The following RUBCNL variants were observed in gnomAD, a reference collection of about 807,000 sequenced individuals.
The protein encoded by RUBCNL is protein associated with UVRAG as autophagy enhancer.
A neutral mutation model predicts 69.5 loss-of-function variants in RUBCNL; 62 were observed. The observed-to-expected ratio is 0.89, with a 90% CI of 0.73 to 1.10. The LOEUF is 1.10. RUBCNL is among the 50% of genes least tolerant of loss of function. RUBCNL has a pLI of 0.00. For missense variants in RUBCNL, 768 were observed against 798.1 expected, an observed-to-expected ratio of 0.96 and a Z score of 0.45; for synonymous variants, 291 against 303.6, an observed-to-expected ratio of 0.96 and a Z score of 0.43.
In RUBCNL at chr13:46,361,334, A is replaced by G. The variant is rs531644730; in HGVS notation, c.1119+107T>C. On this transcript the variant is annotated intron_variant, in intron 8 of 14. Transcript: ENST00000429979. ...TCCTCATTCATTTTGAGTCTCCCCT[A>G]ATATCCAGTGACCATACAAGGAAAG... 11 of 1,192,524 alleles carry G rather than the reference A, an allele frequency of 9.2e-6. No homozygotes were observed. In the South Asian group the frequency reaches 1.5e-4, roughly 16 times the overall value. The allele number at this position is 1,192,524 out of a possible 1,614,324, so 73.9% of individuals were successfully genotyped here.
At chr13:46,348,643 C>G (rs1019216613) in intron 12 of RUBCNL, among the ~76,000 whole-genome samples, 9 of 145,804 alleles carry the variant, frequency 6.2e-5, no homozygotes, top group Non-Finnish European at 1.3e-4. Flanking sequence ...CTCGTTCTGT[C>G]TCTAGGCTGG....
rs181442851 is a variant in RUBCNL, at chr13:46,376,227, G to T, written c.-123+1663C>A. 2.0e-5 allele frequency among the ~76,000 whole-genome samples: 3 copies of T among 152,182 alleles called. No individual in the cohort carries two copies. The East Asian group carries it at 5.8e-4, about 29-fold the overall frequency. On this transcript the variant is annotated intron_variant, in intron 2 of 14. Coordinates refer to ENST00000429979, the MANE Select transcript of RUBCNL (RefSeq NM_025113.5). ...ATTTTCAACTGCACAGGGTGTTAGT[G>T]TCCCTAACCCCTGCATTGTGAAGGG...
chr13:46,372,207 G>A lies in RUBCNL; in HGVS notation c.269C>T (p.Pro90Leu), dbSNP rs372520850. 6.2e-7 allele frequency: 1 copy of A among 1,613,916 alleles called. No homozygotes were observed. The highest frequency in any genetic ancestry group is 8.5e-7 in the Non-Finnish European group (1 of 1,179,896). The part of the protein sequence containing the change: ...FVTDAASPSG[P>L]SPSCLGDSLA... ...GGAGTCCCCGAGGCACGAAGGTGAA[G>A]GGCCTGAGGGAGAGGCAGCATCTGT... The change falls in exon 3 of 15, where the codon CCT becomes CTT. Residue 90 changes from proline to leucine, a missense_variant. Pro to Leu is a moderately conservative substitution (Grantham distance 98). Coordinates refer to ENST00000429979, the MANE Select transcript of RUBCNL (RefSeq NM_025113.5).
At chr13:46,367,149 C>G (rs2048775380) in intron 5 of RUBCNL, among the ~76,000 whole-genome samples, 1 of 152,166 alleles carries the variant, frequency 6.6e-6, no homozygotes, top group Non-Finnish European at 1.5e-5. Flanking sequence ...GGGGAAGAGC[C>G]CCCAGGTCCC....
chr13:46,350,283 C>A lies in RUBCNL; in HGVS notation c.1399G>T (p.Ala467Ser). The change falls in exon 11 of 15, where the codon GCA becomes TCA. Residue 467 changes from alanine to serine, a missense_variant. Coordinates refer to ENST00000429979, the MANE Select transcript of RUBCNL (RefSeq NM_025113.5). ...KYFCDCCHSY[A>S]ESCIPARILM... ...ATTCGGGCAGGGATGCACGACTCTG[C>A]ATATGAGTGGCAGCAGTCACAGAAA... 1 of 1,583,878 alleles carries A rather than the reference C, an allele frequency of 6.3e-7. No homozygotes were observed. Among genetic ancestry groups the A allele is most frequent in the Non-Finnish European group, 8.6e-7 (1 of 1,164,240 alleles).
intron 11 of RUBCNL, among the ~76,000 whole-genome samples, chr13:46,349,637 A>T (rs2048325597): frequency 6.6e-6 from 1 of 151,702 alleles, no homozygotes; most frequent in Non-Finnish European, 1.5e-5. Flanking sequence ...CCTTGGAAAG[A>T]GCCTGTGCAG....
intron 8 of RUBCNL, 83 bp from the exon 9 acceptor site, chr13:46,359,714 C>T (rs999390588): frequency 1.6e-6 from 2 of 1,285,830 alleles, no homozygotes; most frequent in Non-Finnish European, 2.1e-6. Context: ...AATGTATTTC[C>T]AACATTAAAA....
Position 46,378,004 on chromosome 13 carries a change from A to G in RUBCNL, c.-237T>C. ...GGTCAATATCCCCATTTTTTATTTT[A>G]TCTGTAAGGCAAAAAACAATTTGCC... On this transcript the variant is annotated splice_region_variant and 5_prime_UTR_variant, in exon 2 of 15. Coordinates refer to ENST00000429979, the MANE Select transcript of RUBCNL (RefSeq NM_025113.5). 6.5e-7 allele frequency: 1 copy of G among 1,531,020 alleles called. No homozygotes were observed. Among genetic ancestry groups the G allele is most frequent in the Admixed American group, 2.2e-5 (1 of 46,044 alleles). The allele number at this position is 1,531,020 out of a possible 1,614,324, so 94.8% of individuals were successfully genotyped here.
chr13:46,388,260 G>C (rs1169257416), upstream of RUBCNL, among the ~76,000 whole-genome samples: 1 of 143,132 alleles, frequency 7.0e-6, no homozygotes, highest in Non-Finnish European at 1.5e-5. Flanking sequence ...GAGGGAGGAA[G>C]GCAGGCAGGC....
chr13:46,378,044 C>T, intron 1 of RUBCNL, 39 bp from the exon 2 acceptor site: 1 of 1,065,716 alleles, frequency 9.4e-7, no homozygotes, highest in Non-Finnish European at 1.4e-6. Context: ...GCTATGATAC[C>T]ACTGCCAGGT....
intron 8 of RUBCNL, 21 bp from the exon 9 acceptor site, chr13:46,359,652 T>C: frequency 6.5e-7 from 1 of 1,536,914 alleles, no homozygotes; most frequent in Non-Finnish European, 8.8e-7. Flanking sequence ...CATAAAATGA[T>C]TTAGGAACAA....
Position 46,373,962 on chromosome 13 carries a change from C to T in RUBCNL, c.-122-1365G>A, listed in dbSNP as rs566248155. Among the ~76,000 whole-genome samples, 92 of 152,376 alleles carry T rather than the reference C, an allele frequency of 6.0e-4. 1 individual carries two copies. Among genetic ancestry groups the T allele is most frequent in the Non-Finnish European group, 1.1e-3 (74 of 68,038 alleles). On this transcript the variant is annotated intron_variant, in intron 2 of 14. Transcript: ENST00000429979. ...CTCTTCCAATTGCCCAAGCCTGAAA[C>T]TTAGGAGTCATTTCTGATCCTATCT...
At position 46,372,399 on chromosome 13, in the gene RUBCNL, A is replaced by G. The variant is rs1412513736; in HGVS notation, c.77T>C (p.Ile26Thr). Reference sequence around the variant, plus strand: ...GTTCAGGAGTCTGGGCGAACCATCAATAATGCCAGAGTGATCGCTGATCCC... The same window carrying G: ...GTTCAGGAGTCTGGGCGAACCATCAGTAATGCCAGAGTGATCGCTGATCCC... Reference protein sequence around the residue: ...WEGISDHSGIIDGSPRLLNTD... With the variant: ...WEGISDHSGITDGSPRLLNTD... The change falls in exon 3 of 15, where the codon ATT becomes ACT. Residue 26 changes from isoleucine to threonine, a missense_variant. Coordinates refer to ENST00000429979, the MANE Select transcript of RUBCNL (RefSeq NM_025113.5). The G allele has an allele frequency of 1.9e-6, 3 of 1,613,802 alleles. No homozygotes were observed. The highest frequency in any genetic ancestry group is 2.2e-5 in the East Asian group (1 of 44,882).
Position 46,350,364 on chromosome 13 carries a change from C to T in RUBCNL, c.1331-13G>A, listed in dbSNP as rs2048345621. 4 of 1,519,690 alleles carry T rather than the reference C, an allele frequency of 2.6e-6. No homozygotes were observed. Among genetic ancestry groups the T allele is most frequent in the Middle Eastern group, 1.7e-4 (1 of 5,884 alleles). The allele number at this position is 1,519,690 out of a possible 1,614,324, so 94.1% of individuals were successfully genotyped here. The stretch of plus-strand genomic sequence containing the variant: ...CGCTTCACAAACTCTGCCAAGCATA[C>T]CGGAGGGTGAGTGCCACACCTGGTG... On this transcript the variant is annotated splice_polypyrimidine_tract_variant and intron_variant, in intron 10 of 14. Coordinates refer to ENST00000429979, the MANE Select transcript of RUBCNL (RefSeq NM_025113.5).
rs934501210 is a variant in RUBCNL, at chr13:46,371,971, G to A, written c.505C>T (p.Pro169Ser). ...TCAGCAGCAGATGTCAGATGGGAAG[G>A]CTCAAAAAAAGCACTGTCAGTCTCA... The part of the protein sequence containing the change: ...YPETDSAFFE[P>S]SHLTSAADEG... The change falls in exon 3 of 15, where the codon CCT (proline) becomes TCT (serine). Residue 169 changes from proline (P) to serine (S), a missense_variant. Physicochemically the swap from Pro to Ser is moderately conservative, Grantham distance 74. Transcript: ENST00000429979. The A allele has an allele frequency of 1.2e-6, 2 of 1,613,878 alleles. No individual in the cohort carries two copies. Among genetic ancestry groups the A allele is most frequent in the African/African-American group, 1.3e-5 (1 of 74,926 alleles).
intron 4 of RUBCNL, 53 bp from the exon 5 acceptor site, chr13:46,368,302 G>A: frequency 6.5e-7 from 1 of 1,532,256 alleles, no homozygotes; most frequent in Non-Finnish European, 8.9e-7. Flanking sequence ...TTTTCATGGA[G>A]GGTATATTAG....
At chr13:46,365,630 A>G (rs1277062708) in intron 5 of RUBCNL, among the ~76,000 whole-genome samples, 2 of 152,216 alleles carry the variant, frequency 1.3e-5, no homozygotes, top group Non-Finnish European at 1.5e-5. Flanking sequence ...GGGAACCCAC[A>G]TTTCAGGACA....
Position 46,340,045 on chromosome 13 carries a change from C to A in RUBCNL, c.*3340G>T, listed in dbSNP as rs1486805707. 6.6e-6 allele frequency among the ~76,000 whole-genome samples: 1 copy of A among 151,916 alleles called. No individual in the cohort carries two copies. The highest frequency in any genetic ancestry group is 2.4e-5 in the African/African-American group (1 of 41,334). On this transcript the variant is annotated 3_prime_UTR_variant, in exon 15 of 15. Coordinates refer to ENST00000429979, the MANE Select transcript of RUBCNL (RefSeq NM_025113.5). ...GGGGCTGCCAGCAATTCTTGGTGCTCCTTGGCTTGTAGATGCATCACCCCA... is the reference window on the plus strand; with the variant it reads ...GGGGCTGCCAGCAATTCTTGGTGCTACTTGGCTTGTAGATGCATCACCCCA...
At position 46,363,099 on chromosome 13, in the gene RUBCNL, A is replaced by C; in HGVS notation, c.925+16T>G. On this transcript the variant is annotated intron_variant, in intron 6 of 14. Coordinates refer to ENST00000429979, the MANE Select transcript of RUBCNL (RefSeq NM_025113.5). ...GGGAGGCAGCCAGTCACATCCAAAC[A>C]GTTTCCAAATCTTACCTAAAATAAC... 1.3e-6 allele frequency: 2 copies of C among 1,546,750 alleles called. No homozygotes were observed. The highest frequency in any genetic ancestry group is 1.8e-6 in the Non-Finnish European group (2 of 1,128,094).
Sources: allele counts gnomAD v4.1 joint callset (sites outside exome capture counted in the v4.1 genomes callset), GRCh38; gene constraint gnomAD v4.1.1; transcripts MANE v1.5; gene names NCBI Gene and HGNC (gene_info 2026-07-23, HGNC 2026-07-21).